The following WDR81 variants were observed in gnomAD, a reference collection of about 807,000 sequenced individuals.
WDR81 encodes WD repeat-containing protein 81.
Under a neutral mutation model 140.8 loss-of-function variants are expected in WDR81, and 92 were observed. The observed-to-expected ratio is 0.65, with a 90% confidence interval of 0.55 to 0.78. The LOEUF (loss-of-function observed/expected upper bound fraction) is 0.78. Ranked by LOEUF, WDR81 falls within the 30% of genes least tolerant of loss-of-function variation. The pLI is 0.00. For missense variants in WDR81, 2,502 were observed against 2,636.4 expected (o/e 0.95, Z 1.12); for synonymous variants, 1,183 against 1,156.4 (o/e 1.02, Z -0.47).
chr17:1,732,296 G>A lies in WDR81; in HGVS notation c.4158-29G>A, dbSNP rs531472272. On this transcript the variant is annotated intron_variant, in intron 4 of 9. Transcript: ENST00000409644. The stretch of plus-strand genomic sequence containing the variant: ...TTCTGGTCAAGTCCTGCAGAACGGC[G>A]GGCTGGAGCTCATGAGCTCTGTTTC... 23 of 1,603,588 alleles carry A rather than the reference G, an allele frequency of 1.4e-5. No individual in the cohort carries two copies. In the East Asian group the frequency reaches 1.6e-4, roughly 11 times the overall value.
rs2151162093 is a variant in WDR81, at chr17:1,726,136, C to T, written c.1177C>T (p.His393Tyr). The T allele has an allele frequency of 6.5e-7, 1 of 1,533,714 alleles. No homozygotes were observed. Among genetic ancestry groups the T allele is most frequent in the Non-Finnish European group, 8.8e-7 (1 of 1,135,706 alleles). Residue 393 changes from histidine to tyrosine, a missense_variant, in exon 1 of 10, where the codon CAT (histidine) becomes TAT (tyrosine). His to Tyr is a moderately conservative substitution (Grantham distance 83, BLOSUM62 2). Around this residue, in one of 3 missense-constraint regions of WDR81, gnomAD observed 218 missense variants for 279.6 expected, o/e 0.78. Coordinates refer to ENST00000409644, the MANE Select transcript of WDR81 (RefSeq NM_001163809.2). ...CTGGGTGGTGGACTTCACTACGCCC[C>T]ATGGGCGCTTCCGAGACCTGCGCAA... is the stretch of plus-strand genomic sequence containing the variant. ...LPWVVDFTTP[H>Y]GRFRDLRKSK...
rs76893232 is a variant in WDR81 at position 1,731,948 on chromosome 17, T to C, written c.4158-377T>C. Among the ~76,000 whole-genome samples the C allele has an allele frequency of 6.8e-3, 950 of 139,514 alleles. 12 individuals are homozygous for C. Among genetic ancestry groups the C allele is most frequent in the East Asian group, 0.038 (178 of 4,652 alleles). The allele number at this position is 139,514 out of a possible 152,430, so 91.5% of individuals were successfully genotyped here. ...TCTCAAAAAAAAAAAAAAGTATATA[T>C]ATATGCTGGGTGCTGTGGCTCATGC... On this transcript the variant is annotated intron_variant, in intron 4 of 9. Transcript: ENST00000409644.
chr17:1,728,264 C>T lies in WDR81; in HGVS notation c.3305C>T (p.Ala1102Val), dbSNP rs1915436687. The change falls in exon 1 of 10, where the codon GCT (alanine) becomes GTT (valine). Residue 1102 changes from alanine (A) to valine (V), a missense_variant. Transcript: ENST00000409644. ...TCTCCCCAGCCCCAGGAGGCTGAGG[C>T]TGTGAGCCTGGGCCGGCTGAGTGAC... ...TESPQPQEAE[A>V]VSLGRLSDKS... is the part of the protein sequence containing the mutation. 6.2e-7 allele frequency: 1 copy of T among 1,612,390 alleles called. No individual in the cohort carries two copies. The highest frequency in any genetic ancestry group is 8.5e-7 in the Non-Finnish European group (1 of 1,179,702).
rs763115674 is a variant in WDR81 at position 1,733,648 on chromosome 17, C to T, written c.4611C>T (p.Gly1537=). Residue 1537 remains glycine (G), a synonymous_variant, in exon 7 of 10, where the codon GGC becomes GGT. Coordinates refer to ENST00000409644, the MANE Select transcript of WDR81 (RefSeq NM_001163809.2). ...CCAGCGTGGAGCCCACCATGCCCGG[C>T]ACCGGGCCCGAGTGGGACCCCCATG... ...NPASVEPTMP[G]TGPEWDPHGG... 13 of 1,605,606 alleles carry T rather than the reference C, an allele frequency of 8.1e-6. No individual in the cohort carries two copies. The highest frequency in any genetic ancestry group is 1.7e-5 in the Admixed American group (1 of 59,350).
At chr17:1,737,250 C>T (rs756613692) in intron 9 of WDR81, 115 bp from the exon 10 acceptor site, 7 of 1,060,308 alleles carry the variant, frequency 6.6e-6, no homozygotes, top group Non-Finnish European at 9.3e-6. Context: ...TGTCACCCAC[C>T]CAGGACGGCC....
chr17:1,735,489 G>C lies in WDR81; in HGVS notation c.5180-83G>C. 3 of 1,357,220 alleles carry C rather than the reference G, an allele frequency of 2.2e-6. No individual in the cohort carries two copies. Among genetic ancestry groups the C allele is most frequent in the Non-Finnish European group, 3.0e-6 (3 of 1,015,168 alleles). 84.1% of individuals were successfully genotyped at this position (1,357,220 alleles called of 1,614,324 possible). Reference sequence around the variant, plus strand: ...TCCCTGGGGGACGGGAGGCAGGTGTGCGGTGAGTTGGGGGATTAGAAGCTC... The same window carrying C: ...TCCCTGGGGGACGGGAGGCAGGTGTCCGGTGAGTTGGGGGATTAGAAGCTC... On this transcript the variant is annotated intron_variant, in intron 7 of 9. Coordinates refer to ENST00000409644, the MANE Select transcript of WDR81 (RefSeq NM_001163809.2). This position sits in a 1 kb window ranked among gnomAD's most constrained non-coding sequence, Gnocchi z 4.2.
At chr17:1,737,230 G>A (rs780654798) in intron 9 of WDR81, 135 bp from the exon 10 acceptor site, 4 of 729,600 alleles carry the variant, frequency 5.5e-6, no homozygotes, top group Non-Finnish European at 8.8e-6. Context: ...TGTGTGGGAG[G>A]GTGGCGGCTT....
At chr17:1,737,268 C>G (rs1427514416) in intron 9 of WDR81, 97 bp from the exon 10 acceptor site, 7 of 1,298,432 alleles carry the variant, frequency 5.4e-6, no homozygotes, top group Non-Finnish European at 7.2e-6. Flanking sequence ...GCCTGTCTCC[C>G]TGGAGAGAAA....
At chr17:1,723,475 T>TTATG (rs1915003019), upstream of WDR81, among the ~76,000 whole-genome samples, 1 of 147,760 alleles carries the variant, frequency 6.8e-6, no homozygotes, top group Admixed American at 6.8e-5. Flanking sequence ...ATTTATTTAT[T>TTATG]TATTTATTTA....
chr17:1,737,595 C>G lies in WDR81; in HGVS notation c.5736C>G (p.Phe1912Leu), dbSNP rs752328433. ...CCACGAAGCTCAGCTCTGAGAACTT[C>G]CGCGGCACGCTCACCAGCCTGGCCT... ...QATTKLSSEN[F>L]RGTLTSLALL... The change falls in exon 10 of 10, where the codon TTC (phenylalanine) becomes TTG (leucine). Residue 1912 changes from phenylalanine to leucine, a missense_variant. Physicochemically the swap from Phe to Leu is conservative, Grantham distance 22 (BLOSUM62 0). This residue lies in a region of WDR81 where 1,737 missense variants were observed against 1,843.0 expected (regional missense o/e 0.94). Transcript: ENST00000409644. 3.1e-6 allele frequency: 5 copies of G among 1,612,822 alleles called. No individual in the cohort carries two copies. The highest frequency in any genetic ancestry group is 4.2e-6 in the Non-Finnish European group (5 of 1,179,986).
Position 1,732,784 on chromosome 17 carries a change from C to T in WDR81, c.4442C>T (p.Thr1481Ile). Reference sequence around the variant, plus strand: ...CTGGACGAGCTGCAGAAGGTGTTCACCCTGGAGATGGCATACACAATCTAC... The same window carrying T: ...CTGGACGAGCTGCAGAAGGTGTTCATCCTGGAGATGGCATACACAATCTAC... ...ALLDELQKVF[T>I]LEMAYTIYVP... is the part of the protein sequence containing the mutation. Residue 1481 changes from threonine to isoleucine, a missense_variant, in exon 6 of 10, where the codon ACC (threonine) becomes ATC (isoleucine). Thr to Ile is a moderately conservative substitution (Grantham distance 89). This residue lies in a region of WDR81 where 1,737 missense variants were observed against 1,843.0 expected (regional missense o/e 0.94). Transcript: ENST00000409644. 3 of 1,613,106 alleles carry T rather than the reference C, an allele frequency of 1.9e-6. No individual in the cohort carries two copies. The highest frequency in any genetic ancestry group is 2.5e-6 in the Non-Finnish European group (3 of 1,179,924).
intron 1 of WDR81, chr17:1,716,936 G>GA: frequency 2.0e-6 from 1 of 505,578 alleles, no homozygotes; most frequent in Non-Finnish European, 3.5e-6. Context: ...CCTAACCACA[G>GA]GAGGCTTTTT....
In WDR81 at chr17:1,735,955, T is replaced by C. The variant is rs2151177122; in HGVS notation, c.5326-84T>C. The C allele has an allele frequency of 1.3e-6, 2 of 1,508,398 alleles. No homozygotes were observed. The highest frequency in any genetic ancestry group is 2.6e-5 in the South Asian group (2 of 77,762). The allele number at this position is 1,508,398 out of a possible 1,614,324, so 93.4% of individuals were successfully genotyped here. A position where few individuals can be genotyped will look rare whatever the true frequency, so the allele number is the denominator to read the frequency against. The stretch of plus-strand genomic sequence containing the variant: ...GGGTCAGAGGCTCAGGCCTTCCTGC[T>C]GTGTGGGCTTGGGTGGTGGGCAGGG... On this transcript the variant is annotated intron_variant, in intron 8 of 9. Transcript: ENST00000409644. This position sits in a 1 kb window ranked among gnomAD's most constrained non-coding sequence, Gnocchi z 4.2.
chr17:1,718,083 T>C (rs1914676258), intron 1 of WDR81, among the ~76,000 whole-genome samples: 1 of 152,082 alleles, frequency 6.6e-6, no homozygotes, highest in African/African-American at 2.4e-5. Context: ...GGGATCCTCC[T>C]GCTTTTGCCC....
chr17:1,718,144 G>C (rs976754376), intron 1 of WDR81, among the ~76,000 whole-genome samples: 2 of 151,478 alleles, frequency 1.3e-5, no homozygotes, highest in African/African-American at 4.9e-5. Flanking sequence ...TTGAGACAGA[G>C]TCTCGCTCTG....
upstream of WDR81, among the ~76,000 whole-genome samples, chr17:1,720,951 G>A (rs1366565407): frequency 6.6e-6 from 1 of 152,046 alleles, no homozygotes; most frequent in Non-Finnish European, 1.5e-5. Flanking sequence ...CAAGGTCACT[G>A]CTGCAGTGTA....
chr17:1,721,587 C>T (rs920260158), upstream of WDR81, among the ~76,000 whole-genome samples: 10 of 151,654 alleles, frequency 6.6e-5, no homozygotes, highest in African/African-American at 2.2e-4. Context: ...TTTGAGAGGC[C>T]GAGATGGGCC....
chr17:1,732,801 A>C lies in WDR81; in HGVS notation c.4459A>C (p.Thr1487Pro). The change falls in exon 6 of 10, where the codon ACA becomes CCA. Residue 1487 changes from threonine to proline, a missense_variant. Thr to Pro is a conservative substitution (Grantham distance 38). This residue lies in a region of WDR81 where 1,737 missense variants were observed against 1,843.0 expected (regional missense o/e 0.94). Coordinates refer to ENST00000409644, the MANE Select transcript of WDR81 (RefSeq NM_001163809.2). ...QKVFTLEMAY[T>P]IYVPFSCLLG... ...GGTGTTCACCCTGGAGATGGCATAC[A>C]CAATCTACGTGCCCTTCTCCTGCCT... 1 of 1,612,606 alleles carries C rather than the reference A, an allele frequency of 6.2e-7. No individual in the cohort carries two copies.
chr17:1,724,383 G>T (rs1184738431), upstream of WDR81, among the ~76,000 whole-genome samples: 1 of 152,164 alleles, frequency 6.6e-6, no homozygotes, highest in African/African-American at 2.4e-5. Flanking sequence ...CACAACAGAA[G>T]TCCCAGTTCT....
Sources: gnomAD v4.1 joint callset for allele counts (sites outside exome capture counted in the v4.1 genomes callset) on GRCh38, gnomAD v4.1.1 for gene constraint, gnomAD v4.1.1 regional missense constraint, Gnocchi (gnomAD v3.1) non-coding constraint, MANE v1.5 for transcripts, NCBI Gene and HGNC (gene_info 2026-07-23, HGNC 2026-07-21) for gene names.